The following TAFA2 variants were observed in gnomAD, a reference collection of about 807,000 sequenced individuals.
TAFA2 encodes TAFA chemokine like family member 2.
Under a neutral mutation model 18.8 loss-of-function variants are expected in TAFA2, and 7 were observed. The observed-to-expected ratio is 0.37, with a 90% confidence interval of 0.21 to 0.70. TAFA2 has a LOEUF of 0.70. Ranked by LOEUF, TAFA2 falls within the 30% of genes least tolerant of loss-of-function variation. The pLI is 0.53. For missense variants in TAFA2, 122 were observed against 158.1 expected (o/e 0.77, Z 1.23); for synonymous variants, 60 against 54.2 (o/e 1.11, Z -0.47).
chr12:61,911,958 C>T (rs1308438869), intron 1 of TAFA2, among the ~76,000 whole-genome samples: 2 of 152,178 alleles, frequency 1.3e-5, no homozygotes, highest in Non-Finnish European at 2.9e-5. Context: ...TAACAGTTCT[C>T]ATCCATCCCT....
At chr12:62,160,367 GTAATTA>G (rs2062398574) in intron 1 of TAFA2, among the ~76,000 whole-genome samples, 1 of 152,092 alleles carries the variant, frequency 6.6e-6, no homozygotes. Context: ...AATCCTTCAG[GTAATTA>G]CTCACTTGCT....
intron 1 of TAFA2, among the ~76,000 whole-genome samples, chr12:61,966,177 G>A (rs1879058820): frequency 6.6e-6 from 1 of 151,814 alleles, no homozygotes; most frequent in Admixed American, 6.6e-5. Flanking sequence ...ATCATTCTGT[G>A]CTGCTATAAA....
chr12:62,211,250 A>T (rs1387211770), intron 1 of TAFA2, among the ~76,000 whole-genome samples: 4 of 152,182 alleles, frequency 2.6e-5, no homozygotes, highest in Non-Finnish European at 5.9e-5. Context: ...AATTTCAGAG[A>T]TGGGTATAGA....
chr12:62,091,462 T>A (rs11174305), intron 1 of TAFA2, among the ~76,000 whole-genome samples: 1 of 151,756 alleles, frequency 6.6e-6, no homozygotes, highest in African/African-American at 2.4e-5. Context: ...ATGTAACATA[T>A]CTCTAGGTAC....
chr12:62,257,687 A>G (rs1261626164), intron 1 of TAFA2, among the ~76,000 whole-genome samples: 1 of 152,202 alleles, frequency 6.6e-6, no homozygotes, highest in African/African-American at 2.4e-5. Context: ...AGAAGGCAAT[A>G]ACAATCACCA....
chr12:62,255,600 C>T (rs963625000), intron 1 of TAFA2, among the ~76,000 whole-genome samples: 3 of 152,122 alleles, frequency 2.0e-5, no homozygotes, highest in East Asian at 1.9e-4. Context: ...TGCCTGTAAT[C>T]GCAGCACTTT....
chr12:61,801,917 A>C (rs1871413138), intron 2 of TAFA2, among the ~76,000 whole-genome samples: 1 of 152,136 alleles, frequency 6.6e-6, no homozygotes, highest in African/African-American at 2.4e-5. Flanking sequence ...CTACAACAAC[A>C]AAAAACAAAT....
chr12:62,090,430 TAGG>T (rs1868660303), intron 1 of TAFA2, among the ~76,000 whole-genome samples: 1 of 151,988 alleles, frequency 6.6e-6, no homozygotes, highest in Non-Finnish European at 1.5e-5. Context: ...TTTAGAAAAA[TAGG>T]AGCATTTTTT....
At chr12:62,209,938 CGCCTGT>C (rs1210261111) in intron 1 of TAFA2, among the ~76,000 whole-genome samples, 2 of 152,152 alleles carry the variant, frequency 1.3e-5, no homozygotes, top group African/African-American at 4.8e-5. Context: ...CAGGGGCTCA[CGCCTGT>C]AATCCCAGCA....
At chr12:61,759,169 A>G (rs1869417904) in intron 2 of TAFA2, among the ~76,000 whole-genome samples, 1 of 152,064 alleles carries the variant, frequency 6.6e-6, no homozygotes, top group South Asian at 2.1e-4. Context: ...ATACAAAATC[A>G]AAATTTATTT....
At chr12:62,201,206 C>A (rs938887452) in intron 1 of TAFA2, among the ~76,000 whole-genome samples, 1 of 152,192 alleles carries the variant, frequency 6.6e-6, no homozygotes, top group Non-Finnish European at 1.5e-5. Context: ...TTGACTTCCT[C>A]TCTTCCTATT....
intron 1 of TAFA2, among the ~76,000 whole-genome samples, chr12:62,117,435 T>C (rs1870009490): frequency 6.6e-6 from 1 of 152,174 alleles, no homozygotes; most frequent in Admixed American, 6.5e-5. Context: ...AGGAACTATG[T>C]TTTAGTAAAT....
intron 1 of TAFA2, among the ~76,000 whole-genome samples, chr12:61,960,292 A>G (rs1458214979): frequency 1.3e-5 from 2 of 151,924 alleles, no homozygotes; most frequent in African/African-American, 4.8e-5. Flanking sequence ...TCTGTGCTCC[A>G]AGTTCACTCT....
intron 1 of TAFA2, among the ~76,000 whole-genome samples, chr12:62,090,628 C>T (rs1180423744): frequency 2.6e-5 from 4 of 152,022 alleles, no homozygotes. Flanking sequence ...TCAAGGTCAA[C>T]TGAAGAACTA....
intron 1 of TAFA2, among the ~76,000 whole-genome samples, chr12:61,977,133 T>C (rs1400145145): frequency 1.3e-5 from 2 of 152,034 alleles, no homozygotes; most frequent in Non-Finnish European, 2.9e-5. Context: ...ACAAAACATA[T>C]TGCAGCATTT....
At chr12:62,200,593 A>G (rs1302619735) in intron 1 of TAFA2, among the ~76,000 whole-genome samples, 1 of 152,058 alleles carries the variant, frequency 6.6e-6, no homozygotes, top group Non-Finnish European at 1.5e-5. Flanking sequence ...TGAGATCTCT[A>G]TTCTGTTCCA....
At chr12:61,853,154 A>G (rs1873748011) in intron 2 of TAFA2, among the ~76,000 whole-genome samples, 1 of 152,198 alleles carries the variant, frequency 6.6e-6, no homozygotes, top group Admixed American at 6.5e-5. Context: ...TACATTGTAT[A>G]CCCTAAATAT....
intron 1 of TAFA2, among the ~76,000 whole-genome samples, chr12:62,160,796 C>A (rs997881804): frequency 6.6e-6 from 1 of 152,086 alleles, no homozygotes; most frequent in Non-Finnish European, 1.5e-5. Flanking sequence ...CTAAATGGTC[C>A]CAGTCTAAGT....
At chr12:62,229,369 T>G (rs1437939211) in intron 1 of TAFA2, among the ~76,000 whole-genome samples, 5 of 152,170 alleles carry the variant, frequency 3.3e-5, no homozygotes, top group Admixed American at 3.3e-4. Flanking sequence ...ATGTGGCCTT[T>G]ATGGTTTTGA....
Sources: gnomAD v4.1 joint callset for allele counts (sites outside exome capture counted in the v4.1 genomes callset) on GRCh38, gnomAD v4.1.1 for gene constraint, MANE v1.5 for transcripts, NCBI Gene and HGNC (gene_info 2026-07-23, HGNC 2026-07-21) for gene names.